EPM2A: variants seen among roughly 807,000 people sequenced by gnomAD.
EPM2A encodes the protein EPM2A glucan phosphatase, laforin, also known as laforin.
A neutral mutation model predicts 26.5 loss-of-function variants in EPM2A; 21 were observed. That is an observed-to-expected ratio of 0.79 (90% CI 0.56 to 1.14). The LOEUF (loss-of-function observed/expected upper bound fraction) is 1.14. Ranked by LOEUF, EPM2A falls within the 50% of genes most tolerant of loss-of-function variation. The probability of loss-of-function intolerance (pLI) is 0.00; values close to 1 mark genes in which losing one functional copy is unlikely to be tolerated. For missense variants in EPM2A, 458 were observed against 440.8 expected, an observed-to-expected ratio of 1.04 and a Z score of -0.35; for synonymous variants, 217 against 177.6, an observed-to-expected ratio of 1.22 and a Z score of -1.76.
chr6:145,549,688 T>C (rs1272718946), intron 2 of EPM2A, among the ~76,000 whole-genome samples: 3 of 152,126 alleles, frequency 2.0e-5, no homozygotes, highest in African/African-American at 2.4e-5. Flanking sequence ...CTAAGGGAAA[T>C]TGCTTCTAGG....
In EPM2A at chr6:145,603,373, C is replaced by T. The variant is rs144403823; in HGVS notation, c.340+31872G>A. On this transcript the variant is annotated intron_variant, in intron 2 of 3. Coordinates refer to the EPM2A transcript ENST00000450221. Reference sequence around the variant, plus strand: ...GATGAGAAGTTATTCTTGCCTGAACCCTGAGCCCATCAGGTTCTTTTGTAT... The same window carrying T: ...GATGAGAAGTTATTCTTGCCTGAACTCTGAGCCCATCAGGTTCTTTTGTAT... Among the ~76,000 whole-genome samples, 745 of 151,962 alleles carry T rather than the reference C, an allele frequency of 4.9e-3. 4 individuals carry two copies. Among genetic ancestry groups the T allele is most frequent in the Admixed American group, 0.011 (168 of 15,262 alleles).
chr6:145,679,708 A>C (rs910435430), intron 2 of EPM2A, among the ~76,000 whole-genome samples: 1 of 152,180 alleles, frequency 6.6e-6, no homozygotes, highest in Non-Finnish European at 1.5e-5. Flanking sequence ...AAATGCAAAG[A>C]TTCTGCAGGC....
chr6:145,476,050 A>G (rs1357218993), intron 4 of EPM2A, among the ~76,000 whole-genome samples: 1 of 152,082 alleles, frequency 6.6e-6, no homozygotes, highest in Non-Finnish European at 1.5e-5. Context: ...AAAGACACAC[A>G]TAGACTGAAA....
At chr6:145,466,707 G>A (rs981691557) in intron 4 of EPM2A, among the ~76,000 whole-genome samples, 113 of 152,102 alleles carry the variant, frequency 7.4e-4, no homozygotes, top group African/African-American at 2.5e-3. Context: ...TGTTTATTGC[G>A]GCATTATTCA....
intron 4 of EPM2A, among the ~76,000 whole-genome samples, chr6:145,411,311 G>T (rs2114675241): frequency 6.6e-6 from 1 of 152,112 alleles, no homozygotes; most frequent in East Asian, 1.9e-4. Context: ...ATACATAAAA[G>T]GTGCAAATAT....
Position 145,506,324 on chromosome 6 carries a change from A to G in EPM2A, c.341-3749T>C, listed in dbSNP as rs74855364. 5.0e-3 allele frequency among the ~76,000 whole-genome samples: 756 copies of G among 152,360 alleles called. 4 individuals are homozygous for G. Among genetic ancestry groups the G allele is most frequent in the African/African-American group, 0.018 (736 of 41,580 alleles). The stretch of plus-strand genomic sequence containing the variant: ...AAGAATTTGCAATAATTATTCAACA[A>G]CCTTATCTTTTCATCCAGGAATTCC... On this transcript the variant is annotated intron_variant, in intron 2 of 3. Transcript: ENST00000450221.
chr6:145,667,396 C>CA lies in EPM2A; in HGVS notation c.476+18725dup, dbSNP rs957542185. Among the ~76,000 whole-genome samples the CA allele has an allele frequency of 7.6e-5, 11 of 145,542 alleles. No individual in the cohort carries two copies. The East Asian group carries it at 1.0e-3, about 13-fold the overall frequency. On this transcript the variant is annotated intron_variant, in intron 2 of 3. Transcript: ENST00000367519. ...TCTCAAAAGAAGATATTTATGCAGC[C>CA]AAAAAACACATGAAAAAATGCTCAT...
At chr6:145,475,441 C>T (rs529241028) in intron 4 of EPM2A, among the ~76,000 whole-genome samples, 1 of 152,132 alleles carries the variant, frequency 6.6e-6, no homozygotes, top group South Asian at 2.1e-4. Context: ...TGGAGGACAA[C>T]ATCACACACT....
In EPM2A at chr6:145,698,946, C is replaced by T. The variant is rs373133879; in HGVS notation, c.302-12650G>A. Among the ~76,000 whole-genome samples the T allele has an allele frequency of 7.2e-5, 11 of 152,288 alleles. No individual in the cohort carries two copies. The East Asian group carries it at 1.5e-3, about 21-fold the overall frequency. ...CCAGGAAGAGAAGCATTACCAGTAA[C>T]GGAATCTGCCAGCACCCTGATCTAT... is the stretch of plus-strand genomic sequence containing the variant. On this transcript the variant is annotated intron_variant, in intron 1 of 3. Coordinates refer to ENST00000367519, the MANE Select transcript of EPM2A (RefSeq NM_005670.4).
chr6:145,635,581 C>A (rs1009960508), intron 2 of EPM2A, 95 bp from the exon 3 acceptor site: 164 of 1,231,562 alleles, frequency 1.3e-4, no homozygotes, highest in Non-Finnish European at 1.8e-4. Flanking sequence ...ATATAACTAA[C>A]CTTTAAGTCT....
intron 1 of EPM2A, among the ~76,000 whole-genome samples, chr6:145,691,326 G>T (rs1781267013): frequency 6.6e-6 from 1 of 152,016 alleles, no homozygotes; most frequent in Non-Finnish European, 1.5e-5. Flanking sequence ...AGTCACCAAA[G>T]GAAGTGTCAT....
intron 2 of EPM2A, among the ~76,000 whole-genome samples, chr6:145,547,546 C>CA (rs1780599232): frequency 6.6e-6 from 1 of 152,210 alleles, no homozygotes; most frequent in African/African-American, 2.4e-5. Context: ...AGAAAAACAA[C>CA]AAAATATAGA....
intron 2 of EPM2A, among the ~76,000 whole-genome samples, chr6:145,507,239 CTT>C (rs1779988812): frequency 6.6e-6 from 1 of 152,080 alleles, no homozygotes; most frequent in Admixed American, 6.5e-5. Context: ...GACAAAAAGA[CTT>C]TTAGGATGCC....
At chr6:145,435,211 G>A (rs1053252948) in intron 4 of EPM2A, among the ~76,000 whole-genome samples, 4 of 152,074 alleles carry the variant, frequency 2.6e-5, no homozygotes, top group Non-Finnish European at 5.9e-5. Flanking sequence ...AGTGAGGGAA[G>A]CAATATGAAG....
At chr6:145,523,934 T>C (rs1037272903) in intron 2 of EPM2A, among the ~76,000 whole-genome samples, 2 of 152,148 alleles carry the variant, frequency 1.3e-5, no homozygotes, top group Non-Finnish European at 2.9e-5. Context: ...TGTCCCCATC[T>C]CTGTCTCCCA....
rs1212273088 is a variant in EPM2A at position 145,562,719 on chromosome 6, G to A, written c.341-60144C>T. On this transcript the variant is annotated intron_variant, in intron 2 of 3. Coordinates refer to the EPM2A transcript ENST00000450221. ...TCTGCATGATCTCTTTAGACCCAAG[G>A]ACTCTGCTGCTTCGAAGTCTTTCTT... 2.0e-5 allele frequency among the ~76,000 whole-genome samples: 3 copies of A among 152,166 alleles called. No homozygotes were observed. In the South Asian group the frequency reaches 6.2e-4, roughly 32 times the overall value.
intron 1 of EPM2A, among the ~76,000 whole-genome samples, chr6:145,705,082 C>T (rs760290991): frequency 4.7e-4 from 71 of 152,286 alleles, no homozygotes; most frequent in South Asian, 1.4e-3. Context: ...TGAACATCTG[C>T]TACATGACAG....
At chr6:145,466,995 G>A (rs1053873724) in intron 4 of EPM2A, among the ~76,000 whole-genome samples, 1 of 152,142 alleles carries the variant, frequency 6.6e-6, no homozygotes, top group African/African-American at 2.4e-5. Flanking sequence ...GACTCTTGTG[G>A]GGCGGTGGGA....
chr6:145,576,589 C>T (rs959840449), intron 2 of EPM2A, among the ~76,000 whole-genome samples: 1 of 151,924 alleles, frequency 6.6e-6, no homozygotes, highest in African/African-American at 2.4e-5. Flanking sequence ...AAAGACTTTC[C>T]CAGAAAAACA....
Sources: allele counts gnomAD v4.1 joint callset (sites outside exome capture counted in the v4.1 genomes callset), GRCh38; gene constraint gnomAD v4.1.1; transcripts MANE v1.5; gene names NCBI Gene and HGNC (gene_info 2026-07-23, HGNC 2026-07-21).